The following ZNF362 variants were observed in gnomAD, a reference collection of about 807,000 sequenced individuals.
ZNF362 encodes the protein zinc finger protein 362, also known as rotund homolog.
Under a neutral mutation model 42.9 loss-of-function variants are expected in ZNF362, and 11 were observed. The ratio of observed to expected loss-of-function variants is 0.26; its 90% CI spans 0.16 to 0.42. ZNF362 has a LOEUF of 0.42. Among genes scored for constraint, ZNF362 ranks in the 20% least tolerant of loss-of-function variants. The pLI, the probability that ZNF362 is intolerant of heterozygous loss-of-function variation, is 1.00. For synonymous variants in ZNF362, 255 were observed against 257.3 expected, an observed-to-expected ratio of 0.99 and a Z score of 0.09; for missense variants, 362 against 576.2, an observed-to-expected ratio of 0.63 and a Z score of 3.81.
At chr1:33,135,801 C>T in the ZNF362 span, among the ~76,000 whole-genome samples, 10 of 152,212 alleles carry the variant, frequency 6.6e-5, no homozygotes, top group African/African-American at 2.4e-4. Context: ...ACCATCAGCT[C>T]TTTGATATAG....
At chr1:33,256,491 C>T, upstream of ZNF362, 1 of 160,072 alleles carries the variant, frequency 6.2e-6, no homozygotes, top group South Asian at 1.7e-4. Flanking sequence ...TTGCAGAACC[C>T]AGAAGTGAAC....
chr1:33,151,807 C>T, the ZNF362 span, among the ~76,000 whole-genome samples: 1 of 152,190 alleles, frequency 6.6e-6, no homozygotes, highest in Non-Finnish European at 1.5e-5. Flanking sequence ...GGAGATGTTT[C>T]CCGGCCACCA....
chr1:33,135,002 T>C, the ZNF362 span, among the ~76,000 whole-genome samples: 1 of 152,178 alleles, frequency 6.6e-6, no homozygotes, highest in African/African-American at 2.4e-5. Flanking sequence ...AAACCATTCA[T>C]GGATCTGGGC....
At chr1:33,163,866 G>C in the ZNF362 span, 2 of 152,572 alleles carry the variant, frequency 1.3e-5, no homozygotes, top group Non-Finnish European at 2.9e-5. Flanking sequence ...ACAGGAAGTG[G>C]GGCTGGGGGA....
chr1:33,279,380 A>G (rs1231138510), intron 4 of ZNF362, among the ~76,000 whole-genome samples: 1 of 152,170 alleles, frequency 6.6e-6, no homozygotes, highest in African/African-American at 2.4e-5. Flanking sequence ...TTAAGGCTTC[A>G]TTAAGGCTTT....
At chr1:33,134,405 C>T in the ZNF362 span, among the ~76,000 whole-genome samples, 1,044 of 152,252 alleles carry the variant, frequency 6.9e-3, 10 homozygotes, top group African/African-American at 0.024. Context: ...TTAGCTAAGG[C>T]GCTTAGGTAG....
At chr1:33,146,924 G>A in the ZNF362 span, 1 of 531,062 alleles carries the variant, frequency 1.9e-6, no homozygotes, top group East Asian at 3.3e-5. Flanking sequence ...TTGCCCTGAG[G>A]AGAAGCCATG....
chr1:33,220,022 G>A, the ZNF362 span, among the ~76,000 whole-genome samples: 2 of 152,196 alleles, frequency 1.3e-5, no homozygotes, highest in African/African-American at 2.4e-5. Flanking sequence ...GGAAAAATGG[G>A]TTTCTGATGG....
intron 1 of ZNF362, among the ~76,000 whole-genome samples, chr1:33,259,877 G>A (rs1479519541): frequency 1.3e-5 from 2 of 152,218 alleles, no homozygotes; most frequent in African/African-American, 4.8e-5. Flanking sequence ...CCTGAGATTA[G>A]GTCCCATTGT....
the ZNF362 span, among the ~76,000 whole-genome samples, chr1:33,213,966 A>G: frequency 6.6e-6 from 1 of 152,340 alleles, no homozygotes; most frequent in Middle Eastern, 3.4e-3. Flanking sequence ...TAGGGATTTT[A>G]CTGAGTTCTA....
At chr1:33,185,469 G>T in the ZNF362 span, among the ~76,000 whole-genome samples, 12 of 152,276 alleles carry the variant, frequency 7.9e-5, no homozygotes, top group African/African-American at 2.4e-4. Flanking sequence ...TGATCTGCCT[G>T]CCTTGGCCTC....
At chr1:33,147,938 G>T in the ZNF362 span, among the ~76,000 whole-genome samples, 1 of 152,206 alleles carries the variant, frequency 6.6e-6, no homozygotes, top group Non-Finnish European at 1.5e-5. The surrounding 1 kb of genome is among the most constrained non-coding windows in gnomAD (Gnocchi z 8.1). Flanking sequence ...GATATTGTCT[G>T]CAGGGGAGCA....
At chr1:33,253,853 A>T (rs189094923), upstream of ZNF362, among the ~76,000 whole-genome samples, 8 of 152,268 alleles carry the variant, frequency 5.3e-5, no homozygotes, top group Admixed American at 3.3e-4. Flanking sequence ...AAATTAATTA[A>T]TGCCTTAATT....
chr1:33,246,874 A>G, the ZNF362 span, among the ~76,000 whole-genome samples: 1 of 152,232 alleles, frequency 6.6e-6, no homozygotes, highest in Non-Finnish European at 1.5e-5. Context: ...GCCTGGCTCA[A>G]GCCAGACCAG....
the ZNF362 span, among the ~76,000 whole-genome samples, chr1:33,131,161 A>T: frequency 6.6e-6 from 1 of 152,214 alleles, no homozygotes; most frequent in Non-Finnish European, 1.5e-5. Context: ...ATCAAGGAAG[A>T]GCTGGAGGGA....
In ZNF362 at chr1:33,276,479, C is replaced by T; in HGVS notation, c.234C>T (p.Ser78=). 2 of 1,590,070 alleles carry T rather than the reference C, an allele frequency of 1.3e-6. No individual in the cohort carries two copies. Among genetic ancestry groups the T allele is most frequent in the Non-Finnish European group, 8.5e-7 (1 of 1,171,568 alleles). ...PLLVPPAPAE[S]SQAVMSLPKL... ...TAGTGCCGCCGGCACCCGCCGAGAGCAGCCAGGCCGTCATGTCGCTGCCCA... is the reference window on the plus strand; with the variant it reads ...TAGTGCCGCCGGCACCCGCCGAGAGTAGCCAGGCCGTCATGTCGCTGCCCA... Residue 78 remains serine, a synonymous_variant, in exon 4 of 9, where the codon AGC becomes AGT. Coordinates refer to ENST00000539719, the MANE Select transcript of ZNF362 (RefSeq NM_152493.3).
At chr1:33,214,748 C>T in the ZNF362 span, among the ~76,000 whole-genome samples, 2 of 152,124 alleles carry the variant, frequency 1.3e-5, no homozygotes, top group African/African-American at 2.4e-5. Context: ...GAAAAAAATG[C>T]TCAACATTAT....
chr1:33,182,261 G>A, the ZNF362 span, among the ~76,000 whole-genome samples: 1 of 152,196 alleles, frequency 6.6e-6, no homozygotes, highest in African/African-American at 2.4e-5. Context: ...CTCGCTTAGG[G>A]TCCCCGCGGC....
chr1:33,165,851 C>G, the ZNF362 span: 1 of 269,420 alleles, frequency 3.7e-6, no homozygotes, highest in Non-Finnish European at 7.0e-6. This position sits in a 1 kb window ranked among gnomAD's most constrained non-coding sequence, Gnocchi z 4.0. Context: ...CTCTCTGGCT[C>G]CCCACACTTG....
Sources: gnomAD v4.1 joint callset for allele counts (sites outside exome capture counted in the v4.1 genomes callset) on GRCh38, gnomAD v4.1.1 for gene constraint, Gnocchi (gnomAD v3.1) non-coding constraint, MANE v1.5 for transcripts, NCBI Gene and HGNC (gene_info 2026-07-23, HGNC 2026-07-21) for gene names.